The following SNX29 variants were observed in gnomAD, a reference collection of about 807,000 sequenced individuals.
SNX29 encodes the protein sorting nexin 29.
A neutral mutation model predicts 102.1 loss-of-function variants in SNX29; 78 were observed. The observed-to-expected ratio is 0.76, with a 90% confidence interval of 0.64 to 0.92. The LOEUF is 0.92. Ranked by LOEUF, SNX29 falls within the 40% of genes least tolerant of loss-of-function variation. The pLI is 0.00. For missense variants in SNX29, 1,280 were observed against 1,061.7 expected, an observed-to-expected ratio of 1.21 and a Z score of -2.86; for synonymous variants, 580 against 414.5, an observed-to-expected ratio of 1.40 and a Z score of -4.85.
chr16:12,239,984 G>A (rs187100067), intron 14 of SNX29, among the ~76,000 whole-genome samples: 155 of 152,296 alleles, frequency 1.0e-3, no homozygotes, highest in African/African-American at 3.6e-3. Context: ...TGTATTTAGA[G>A]TGTCTGTGTA....
At chr16:12,322,763 C>T (rs1596905213) in intron 15 of SNX29, among the ~76,000 whole-genome samples, 2 of 150,692 alleles carry the variant, frequency 1.3e-5, no homozygotes, top group Admixed American at 1.3e-4. Context: ...TACTGGGGGA[C>T]CACCGTCAGG....
chr16:12,139,193 TAAAAAAAAAAAAAAAA>T (rs34808071), intron 13 of SNX29, among the ~76,000 whole-genome samples: 1 of 66,134 alleles, frequency 1.5e-5, no homozygotes, highest in Non-Finnish European at 2.6e-5. Context: ...AGCGAGACTC[TAAAAAAAAAAAAAAAA>T]AAAAAAAAAA....
At chr16:12,566,257 G>C (rs1445449544) in intron 20 of SNX29, among the ~76,000 whole-genome samples, 1 of 152,210 alleles carries the variant, frequency 6.6e-6, no homozygotes, top group African/African-American at 2.4e-5. Context: ...GAAACCAAGG[G>C]TCAGACAGCA....
chr16:12,272,657 T>C (rs991725370), intron 14 of SNX29, among the ~76,000 whole-genome samples: 3 of 152,182 alleles, frequency 2.0e-5, no homozygotes, highest in African/African-American at 7.2e-5. Flanking sequence ...TGTCTTTAAA[T>C]CAAAACTTTG....
At chr16:12,467,471 A>G (rs1252889607) in intron 18 of SNX29, among the ~76,000 whole-genome samples, 2 of 152,254 alleles carry the variant, frequency 1.3e-5, no homozygotes, top group East Asian at 1.9e-4. Context: ...ACATGCACAG[A>G]CACACGGGTG....
At chr16:12,237,688 C>A (rs931311383) in intron 14 of SNX29, among the ~76,000 whole-genome samples, 4 of 151,144 alleles carry the variant, frequency 2.6e-5, no homozygotes, top group African/African-American at 9.7e-5. Flanking sequence ...GGATGGATCA[C>A]CTGAGGTCAG....
intron 16 of SNX29, among the ~76,000 whole-genome samples, chr16:12,367,754 C>G (rs553332179): frequency 6.6e-6 from 1 of 152,334 alleles, no homozygotes; most frequent in East Asian, 1.9e-4. Flanking sequence ...ACTTCGTGTT[C>G]CAAATTATAA....
chr16:12,087,944 G>T (rs750992936), intron 11 of SNX29: 6 of 456,684 alleles, frequency 1.3e-5, no homozygotes, highest in Middle Eastern at 3.2e-4. Flanking sequence ...GCTTTTGAAG[G>T]AGGACCTGTT....
intron 9 of SNX29, among the ~76,000 whole-genome samples, chr16:12,065,150 G>C (rs2151285617): frequency 6.6e-6 from 1 of 152,308 alleles, no homozygotes; most frequent in Middle Eastern, 3.4e-3. Flanking sequence ...AGGAGTTTTG[G>C]AGTTGCTTTT....
intron 18 of SNX29, among the ~76,000 whole-genome samples, chr16:12,452,670 TG>T (rs1383817656): frequency 6.6e-6 from 1 of 152,102 alleles, no homozygotes; most frequent in African/African-American, 2.4e-5. Flanking sequence ...TGGGGACTGG[TG>T]TCGGGAAGAG....
At chr16:12,524,872 C>T (rs763759172) in intron 20 of SNX29, 31 bp downstream of exon 20, 3 of 1,597,680 alleles carry the variant, frequency 1.9e-6, no homozygotes, top group Non-Finnish European at 2.6e-6. Flanking sequence ...CATGGGCCGC[C>T]AGCCCTGCCA....
intron 14 of SNX29, among the ~76,000 whole-genome samples, chr16:12,219,418 G>T (rs2077416710): frequency 6.6e-6 from 1 of 152,180 alleles, no homozygotes; most frequent in Admixed American, 6.5e-5. Flanking sequence ...ATTACGTGCA[G>T]AACGTTCTCA....
chr16:12,084,114 C>T (rs572559878), intron 11 of SNX29, among the ~76,000 whole-genome samples: 8 of 151,926 alleles, frequency 5.3e-5, no homozygotes, highest in Non-Finnish European at 1.2e-4. Flanking sequence ...TCTGGTACTT[C>T]AGAAAATACA....
At chr16:11,986,390 A>AT (rs2055627998) in intron 1 of SNX29, among the ~76,000 whole-genome samples, 1 of 151,594 alleles carries the variant, frequency 6.6e-6, no homozygotes. Flanking sequence ...AAAAAAAAAA[A>AT]AGCGAAAACC....
At chr16:12,531,394 A>C (rs2076928595) in intron 20 of SNX29, among the ~76,000 whole-genome samples, 4 of 151,866 alleles carry the variant, frequency 2.6e-5, no homozygotes, top group Non-Finnish European at 5.9e-5. Context: ...GCGATGGGCT[A>C]GGGTGCCCTC....
At chr16:12,112,724 C>T (rs943845163) in intron 11 of SNX29, among the ~76,000 whole-genome samples, 9 of 152,228 alleles carry the variant, frequency 5.9e-5, no homozygotes, top group Non-Finnish European at 1.3e-4. Context: ...AATGTCAAAA[C>T]CCACTGATTG....
At chr16:12,290,582 T>C (rs867994236) in intron 15 of SNX29, among the ~76,000 whole-genome samples, 1 of 152,242 alleles carries the variant, frequency 6.6e-6, no homozygotes, top group Non-Finnish European at 1.5e-5. Flanking sequence ...TATGATTTAA[T>C]AATTTTTTTG....
intron 20 of SNX29, among the ~76,000 whole-genome samples, chr16:12,533,979 A>T (rs563642350): frequency 1.3e-5 from 2 of 152,234 alleles, no homozygotes; most frequent in African/African-American, 4.8e-5. Context: ...TGTGGGCCAC[A>T]TGGGGTCCAC....
At chr16:11,983,653 G>C in intron 1 of SNX29, 1 of 985,356 alleles carries the variant, frequency 1.0e-6, no homozygotes, top group Non-Finnish European at 1.2e-6. Context: ...CTAGCAACTG[G>C]CGATGGACTA....
Sources: gnomAD v4.1 joint callset for allele counts (sites outside exome capture counted in the v4.1 genomes callset) on GRCh38, gnomAD v4.1.1 for gene constraint, MANE v1.5 for transcripts, NCBI Gene and HGNC (gene_info 2026-07-23, HGNC 2026-07-21) for gene names.